TLL2: variants seen among roughly 807,000 people sequenced by gnomAD.
TLL2 encodes the protein tolloid like 2.
A neutral mutation model predicts 123.0 loss-of-function variants in TLL2; 106 were observed. The observed-to-expected ratio is 0.86, with a 90% CI of 0.74 to 1.01. TLL2 has a LOEUF of 1.01. Among genes scored for constraint, TLL2 ranks in the 50% least tolerant of loss-of-function variants. The pLI, the probability that TLL2 is intolerant of heterozygous loss-of-function variation, is 0.00. For missense variants in TLL2, 1,332 were observed against 1,336.7 expected (o/e 1.00, Z 0.06); for synonymous variants, 494 against 516.8 (o/e 0.96, Z 0.60).
chr10:96,455,689 G>C (rs1847008375), intron 2 of TLL2, among the ~76,000 whole-genome samples: 1 of 152,198 alleles, frequency 6.6e-6, no homozygotes, highest in South Asian at 2.1e-4. Flanking sequence ...AAAACGGGGA[G>C]GCATGAATAA....
intron 2 of TLL2, among the ~76,000 whole-genome samples, chr10:96,460,789 A>G (rs1284317195): frequency 1.3e-5 from 2 of 152,144 alleles, no homozygotes; most frequent in African/African-American, 2.4e-5. Context: ...TCCTTATAGC[A>G]ATGTGAGAAC....
rs140416225 is a variant in TLL2 at position 96,511,653 on chromosome 10, T to C, written c.175+1858A>G. ...AGGCAAGCCTGCCTCAGGGTTATCC[T>C]CCAAGGCTGAGACGGGGAGCTGGCA... On this transcript the variant is annotated intron_variant, in intron 1 of 20. Coordinates refer to ENST00000357947, the MANE Select transcript of TLL2 (RefSeq NM_012465.4). Among the ~76,000 whole-genome samples the C allele has an allele frequency of 4.1e-4, 62 of 152,348 alleles. 1 individual carries two copies. In the East Asian group the frequency reaches 0.011, roughly 27 times the overall value.
intron 1 of TLL2, among the ~76,000 whole-genome samples, chr10:96,498,862 A>G (rs766948521): frequency 1.3e-4 from 20 of 152,206 alleles, no homozygotes; most frequent in Non-Finnish European, 2.5e-4. Flanking sequence ...TGGATCTTAG[A>G]TCTTGAAGGA....
At chr10:96,446,591 C>T (rs530689155) in intron 2 of TLL2, among the ~76,000 whole-genome samples, 9 of 152,206 alleles carry the variant, frequency 5.9e-5, no homozygotes, top group East Asian at 1.9e-4. Context: ...CCAGTGCTGC[C>T]GAATACTCAA....
At chr10:96,451,983 A>G (rs1846965045) in intron 2 of TLL2, among the ~76,000 whole-genome samples, 1 of 152,230 alleles carries the variant, frequency 6.6e-6, no homozygotes, top group South Asian at 2.1e-4. Context: ...TTTAAGAAAA[A>G]GAAAAAAATA....
At chr10:96,454,254 T>C (rs1846988979) in intron 2 of TLL2, among the ~76,000 whole-genome samples, 1 of 152,204 alleles carries the variant, frequency 6.6e-6, no homozygotes, top group African/African-American at 2.4e-5. Context: ...TCTCAGACAG[T>C]GCTGGGAGGG....
intron 18 of TLL2, among the ~76,000 whole-genome samples, chr10:96,374,864 A>C (rs942186965): frequency 8.0e-5 from 12 of 149,538 alleles, no homozygotes; most frequent in African/African-American, 2.9e-4. Context: ...GACTGATGGG[A>C]GCCCCAGCGT....
chr10:96,469,604 T>TGA (rs58084507), intron 2 of TLL2, among the ~76,000 whole-genome samples: 4,222 of 152,254 alleles, frequency 0.028, 177 homozygotes, highest in African/African-American at 0.087. Flanking sequence ...AAGCCTGCCA[T>TGA]GAGAGGGCAG....
intron 3 of TLL2, among the ~76,000 whole-genome samples, chr10:96,444,617 C>T (rs1846878411): frequency 6.6e-6 from 1 of 151,914 alleles, no homozygotes; most frequent in South Asian, 2.1e-4. Context: ...AGGCTGTATA[C>T]AAAGTCACTA....
intron 5 of TLL2, among the ~76,000 whole-genome samples, chr10:96,426,547 G>A (rs1328682503): frequency 6.6e-6 from 1 of 152,138 alleles, no homozygotes; most frequent in Non-Finnish European, 1.5e-5. Flanking sequence ...GTGCTTTGTG[G>A]GAGATGGCTT....
chr10:96,482,192 A>G (rs1432747303), intron 1 of TLL2, among the ~76,000 whole-genome samples: 1 of 151,288 alleles, frequency 6.6e-6, no homozygotes, highest in African/African-American at 2.4e-5. Context: ...CGGGCGGCGG[A>G]GCTTGCAGTG....
At chr10:96,377,145 A>ACAAT (rs1283640377) in intron 17 of TLL2, among the ~76,000 whole-genome samples, 1 of 152,174 alleles carries the variant, frequency 6.6e-6, no homozygotes, top group African/African-American at 2.4e-5. Context: ...TCTGCCACCT[A>ACAAT]CAATCTGTGG....
chr10:96,441,472 C>A (rs991139598), intron 3 of TLL2, among the ~76,000 whole-genome samples: 1 of 152,160 alleles, frequency 6.6e-6, no homozygotes, highest in African/African-American at 2.4e-5. Context: ...ATCAATTGGC[C>A]TTAGAGTGGA....
intron 5 of TLL2, among the ~76,000 whole-genome samples, chr10:96,423,046 T>G (rs1273768888): frequency 6.6e-6 from 1 of 150,686 alleles, no homozygotes; most frequent in Non-Finnish European, 1.5e-5. Flanking sequence ...GAGAACTGCT[T>G]GAACCCCGGA....
chr10:96,370,105 T>TCGTAGC lies in TLL2; in HGVS notation c.2867_2872dup (p.Gly956_Tyr957dup). The stretch of plus-strand genomic sequence containing the variant: ...GCGGCCGAGCCTGGGCGCTGAGCTG[T>TCGTAGC]CGTAGCCGTCGTAGGCTTCCATGTA... On this transcript the variant is annotated inframe_insertion, in exon 20 of 21. Transcript: ENST00000357947. 6.2e-7 allele frequency: 1 copy of TCGTAGC among 1,612,092 alleles called. No individual in the cohort carries two copies. The highest frequency in any genetic ancestry group is 1.3e-5 in the African/African-American group (1 of 75,028).
intron 4 of TLL2, among the ~76,000 whole-genome samples, chr10:96,429,372 A>ATTTTTTGTTC (rs1846713992): frequency 6.6e-6 from 1 of 151,890 alleles, no homozygotes; most frequent in Non-Finnish European, 1.5e-5. Flanking sequence ...TCAAAAAAAA[A>ATTTTTTGTTC]AAAAGCTTGT....
intron 1 of TLL2, among the ~76,000 whole-genome samples, chr10:96,499,793 T>A (rs1172917965): frequency 1.3e-5 from 2 of 152,088 alleles, no homozygotes; most frequent in South Asian, 2.1e-4. Context: ...AAAAGGTGCA[T>A]GAATAGGAAT....
rs897272826 is a variant in TLL2 at position 96,365,236 on chromosome 10, G to A, written c.*2852C>T. 2 of 152,192 alleles carry A rather than the reference G, an allele frequency of 1.3e-5. No homozygotes were observed. Among genetic ancestry groups the A allele is most frequent in the Non-Finnish European group, 1.5e-5 (1 of 68,020 alleles). 9.4% of individuals were successfully genotyped at this position (152,192 alleles called of 1,614,324 possible). A position where few individuals can be genotyped will look rare whatever the true frequency, so the allele number is the denominator to read the frequency against. On this transcript the variant is annotated 3_prime_UTR_variant, in exon 21 of 21. Coordinates refer to ENST00000357947, the MANE Select transcript of TLL2 (RefSeq NM_012465.4). ...TGCTTTAGAGAGAAATTGTAAAGTA[G>A]AAATAAAAAGGAAACTTCACCTTAC...
At chr10:96,461,053 A>T (rs763976231) in intron 2 of TLL2, among the ~76,000 whole-genome samples, 2 of 152,256 alleles carry the variant, frequency 1.3e-5, no homozygotes, top group African/African-American at 2.4e-5. Context: ...GTAGATAATC[A>T]TATAGAAGAC....
Sources: gnomAD v4.1 joint callset for allele counts (sites outside exome capture counted in the v4.1 genomes callset) on GRCh38, gnomAD v4.1.1 for gene constraint, MANE v1.5 for transcripts, NCBI Gene and HGNC (gene_info 2026-07-23, HGNC 2026-07-21) for gene names.